The following SHANK2 variants were observed in gnomAD, a reference collection of about 807,000 sequenced individuals.
SHANK2 encodes the protein SH3 and multiple ankyrin repeat domains 2, also known as SH3 and multiple ankyrin repeat domains protein 2.
A neutral mutation model predicts 133.7 loss-of-function variants in SHANK2; 43 were observed. That is an observed-to-expected ratio of 0.32 (90% CI 0.25 to 0.41). SHANK2 has a LOEUF of 0.41. Ranked by LOEUF, SHANK2 falls within the 10% of genes least tolerant of loss-of-function variation. SHANK2 has a pLI of 1.00. For missense variants in SHANK2, 1,994 were observed against 2,235.8 expected (o/e 0.89, Z 2.18); for synonymous variants, 1,017 against 952.8 (o/e 1.07, Z -1.24).
rs1950809699 is a variant in SHANK2 at position 70,950,029 on chromosome 11, C to T, written c.1108-53462G>A. 7 of 456,400 alleles carry T rather than the reference C, an allele frequency of 1.5e-5. 1 individual carries two copies. The highest frequency in any genetic ancestry group is 1.1e-4 in the South Asian group (7 of 64,542). 28.3% of individuals were successfully genotyped at this position (456,400 alleles called of 1,614,324 possible). ...GCACAGGTGGTGGCTCTCAATGTGT[C>T]TTCATGGGCGGAAAGACAAGGCAGT... On this transcript the variant is annotated intron_variant, in intron 10 of 25. Transcript: ENST00000601538.
At chr11:71,234,981 A>G (rs1954807257) in intron 1 of SHANK2, among the ~76,000 whole-genome samples, 2 of 152,224 alleles carry the variant, frequency 1.3e-5, no homozygotes, top group African/African-American at 4.8e-5. Context: ...GCTACCGTAC[A>G]ACGGAGTATC....
intron 11 of SHANK2, among the ~76,000 whole-genome samples, chr11:70,825,066 C>T (rs1948617453): frequency 1.3e-5 from 2 of 152,148 alleles, no homozygotes; most frequent in Admixed American, 6.5e-5. Context: ...CTGCCTCCCA[C>T]AGCCGACTGC....
intron 11 of SHANK2, among the ~76,000 whole-genome samples, chr11:70,844,936 C>T (rs1948972637): frequency 6.6e-6 from 1 of 152,152 alleles, no homozygotes; most frequent in African/African-American, 2.4e-5. Context: ...TGCAGTGGCT[C>T]ACACCTGTAA....
chr11:70,903,060 C>T (rs1190905538), intron 10 of SHANK2, among the ~76,000 whole-genome samples: 1 of 152,192 alleles, frequency 6.6e-6, no homozygotes, highest in Non-Finnish European at 1.5e-5. Context: ...TCCTCCTTAG[C>T]ACCTCAAGTG....
At chr11:71,234,888 G>A (rs1555123498) in intron 1 of SHANK2, among the ~76,000 whole-genome samples, 1 of 152,054 alleles carries the variant, frequency 6.6e-6, no homozygotes, top group African/African-American at 2.4e-5. Context: ...GTATACAAAT[G>A]TTCACAACAG....
Position 70,880,564 on chromosome 11 carries a change from C to T in SHANK2, c.1174+15937G>A, listed in dbSNP as rs570059227. ...TTCAAGTCACCTGGAAGCGGGCATGCCCCCTCTGTGAGGCCAGGGGCATGT... is the reference window on the plus strand; with the variant it reads ...TTCAAGTCACCTGGAAGCGGGCATGTCCCCTCTGTGAGGCCAGGGGCATGT... On this transcript the variant is annotated intron_variant, in intron 11 of 25. Transcript: ENST00000601538. 9.8e-5 allele frequency among the ~76,000 whole-genome samples: 15 copies of T among 152,336 alleles called. 1 individual carries two copies. Among genetic ancestry groups the T allele is most frequent in the Admixed American group, 9.1e-4 (14 of 15,310 alleles).
intron 17 of SHANK2, among the ~76,000 whole-genome samples, chr11:70,595,844 C>T (rs567283765): frequency 3.3e-5 from 5 of 152,332 alleles, no homozygotes; most frequent in Non-Finnish European, 5.9e-5. Context: ...GATTTGGACA[C>T]GGGGTCTTTG....
At chr11:70,890,239 C>T (rs1281736492) in intron 11 of SHANK2, among the ~76,000 whole-genome samples, 21 of 152,082 alleles carry the variant, frequency 1.4e-4, no homozygotes, top group African/African-American at 4.3e-4. Context: ...CGTGGTGGCT[C>T]ATGCTTGTAA....
intron 14 of SHANK2, among the ~76,000 whole-genome samples, chr11:70,786,540 G>A (rs142686644): frequency 1.0e-3 from 155 of 152,282 alleles, no homozygotes; most frequent in African/African-American, 3.5e-3. Flanking sequence ...ACCCTGCAGG[G>A]CGTGTCTATC....
intron 12 of SHANK2, among the ~76,000 whole-genome samples, chr11:70,818,082 C>T (rs1231807627): frequency 1.3e-5 from 2 of 152,054 alleles, no homozygotes; most frequent in East Asian, 3.9e-4. Flanking sequence ...TTTTACCTGC[C>T]CAAGGTTATG....
At chr11:70,669,832 G>A (rs1165414367) in intron 15 of SHANK2, among the ~76,000 whole-genome samples, 2 of 152,250 alleles carry the variant, frequency 1.3e-5, no homozygotes, top group African/African-American at 4.8e-5. Flanking sequence ...CACCTTGCAA[G>A]AATCCTTGGG....
At chr11:70,598,880 C>A (rs1249442852) in intron 17 of SHANK2, among the ~76,000 whole-genome samples, 1 of 139,814 alleles carries the variant, frequency 7.2e-6, no homozygotes, top group Non-Finnish European at 1.5e-5. Flanking sequence ...AAATCTCTTG[C>A]ACACTAGGAA....
intron 14 of SHANK2, among the ~76,000 whole-genome samples, chr11:70,792,850 C>T (rs1477332051): frequency 6.6e-6 from 1 of 152,168 alleles, no homozygotes; most frequent in Non-Finnish European, 1.5e-5. Flanking sequence ...TTTTGGGAGA[C>T]CGAGGCAGGA....
intron 9 of SHANK2, among the ~76,000 whole-genome samples, chr11:71,069,555 T>C (rs915660539): frequency 0.011 from 1,670 of 152,320 alleles, 42 homozygotes; most frequent in African/African-American, 0.039. Flanking sequence ...TTACTGAGCA[T>C]CTACTATGTT....
chr11:70,732,974 A>T (rs1946321113), intron 14 of SHANK2, among the ~76,000 whole-genome samples: 1 of 152,234 alleles, frequency 6.6e-6, no homozygotes, highest in African/African-American at 2.4e-5. Context: ...GAATGAATGA[A>T]TTCTAAGCTT....
chr11:71,222,847 G>A (rs1274727287), intron 2 of SHANK2, among the ~76,000 whole-genome samples: 1 of 152,260 alleles, frequency 6.6e-6, no homozygotes, highest in African/African-American at 2.4e-5. Context: ...CTTTCGAGGA[G>A]GAACTGTGTA....
intron 17 of SHANK2, among the ~76,000 whole-genome samples, chr11:70,574,847 A>T (rs1033009141): frequency 5.3e-5 from 8 of 152,164 alleles, no homozygotes; most frequent in African/African-American, 1.9e-4. Context: ...TGGCAGCCTT[A>T]CAAAACTCTG....
intron 11 of SHANK2, among the ~76,000 whole-genome samples, chr11:70,841,517 T>C (rs567800382): frequency 3.9e-4 from 59 of 152,324 alleles, no homozygotes; most frequent in South Asian, 8.3e-4. Context: ...GAGTCTGCCT[T>C]TGGCCCCATC....
intron 11 of SHANK2, among the ~76,000 whole-genome samples, chr11:70,822,483 G>A (rs1948544519): frequency 6.6e-6 from 1 of 152,092 alleles, no homozygotes; most frequent in Non-Finnish European, 1.5e-5. Flanking sequence ...GATGGCACTG[G>A]CAGAGTTCAT....
Sources: gnomAD v4.1 joint callset for allele counts (sites outside exome capture counted in the v4.1 genomes callset) on GRCh38, gnomAD v4.1.1 for gene constraint, MANE v1.5 for transcripts, NCBI Gene and HGNC (gene_info 2026-07-23, HGNC 2026-07-21) for gene names.